SNRNP200: variants seen among roughly 807,000 people sequenced by gnomAD.
The protein encoded by SNRNP200 is small nuclear ribonucleoprotein U5 subunit 200, also known as U5 small nuclear ribonucleoprotein 200 kDa helicase.
SNRNP200 carries 66 observed loss-of-function variants against 255.2 expected under a neutral mutation model. The observed-to-expected ratio is 0.26, with a 90% CI of 0.21 to 0.32. SNRNP200 has a LOEUF of 0.32. Ranked by LOEUF, SNRNP200 falls within the 10% of genes least tolerant of loss-of-function variation. The probability of loss-of-function intolerance (pLI) is 1.00; values close to 1 mark genes in which losing one functional copy is unlikely to be tolerated. For missense variants in SNRNP200, 1,585 were observed against 2,749.8 expected (o/e 0.58, Z 9.47); for synonymous variants, 939 against 1,027.8 (o/e 0.91, Z 1.65).
chr2:96,301,699 A>G lies in SNRNP200; in HGVS notation c.399T>C (p.Cys133=). The change falls in exon 4 of 45, where the codon TGT becomes TGC. Residue 133 remains cysteine (C), a synonymous_variant. Transcript: ENST00000323853. Reference sequence around the variant, plus strand: ...CAGCTAGAACTTCATCAGCTGCCCCACAAAGGATATCACGTGGCTGGTGGC... The same window carrying G: ...CAGCTAGAACTTCATCAGCTGCCCCGCAAAGGATATCACGTGGCTGGTGGC... ...ALGDQPRDIL[C]GAADEVLAVL... is the part of the protein sequence containing the mutation. The G allele has an allele frequency of 6.2e-7, 1 of 1,614,124 alleles. No homozygotes were observed. The highest frequency in any genetic ancestry group is 8.5e-7 in the Non-Finnish European group (1 of 1,180,028).
In SNRNP200 at chr2:96,290,795, A is replaced by T; in HGVS notation, c.2442T>A (p.Thr814=). 1 of 1,614,176 alleles carries T rather than the reference A, an allele frequency of 6.2e-7. No individual in the cohort carries two copies. Among genetic ancestry groups the T allele is most frequent in the South Asian group, 1.1e-5 (1 of 91,078 alleles). The change falls in exon 19 of 45, where the codon ACT becomes ACA. Residue 814 remains threonine (T), a synonymous_variant. Coordinates refer to ENST00000323853, the MANE Select transcript of SNRNP200 (RefSeq NM_014014.5). This position sits in a 1 kb window ranked among gnomAD's most constrained non-coding sequence, Gnocchi z 4.5. ...CAGGGAGATTCACACCCCAAGCTAG[A>T]GTTGCTGTGGAAACTAAAACCTACA... ...KHIQVLVSTA[T]LAWGVNLPAH...
intron 14 of SNRNP200, among the ~76,000 whole-genome samples, chr2:96,294,433 C>T (rs1048578900): frequency 6.6e-6 from 1 of 151,240 alleles, no homozygotes; most frequent in African/African-American, 2.4e-5. Context: ...AGTGAAACTC[C>T]GTCTAAAAAA....
intron 34 of SNRNP200, chr2:96,282,176 C>A (rs900992977): frequency 4.3e-6 from 2 of 467,314 alleles, no homozygotes; most frequent in African/African-American, 4.0e-5. Flanking sequence ...CCCAGGAACA[C>A]CAAGGCAAAA....
chr2:96,294,155 C>T (rs748172353), intron 14 of SNRNP200, among the ~76,000 whole-genome samples: 119 of 147,322 alleles, frequency 8.1e-4, no homozygotes, highest in Non-Finnish European at 1.6e-3. Flanking sequence ...AAAAAAAAGC[C>T]GGGGGCAGTG....
chr2:96,293,347 G>A lies in SNRNP200; in HGVS notation c.2005C>T (p.Pro669Ser), dbSNP rs749791210. ...EDVATFLRVDPAKGLFYFDNS... is the reference protein window; with the variant it reads ...EDVATFLRVDSAKGLFYFDNS... The stretch of plus-strand genomic sequence containing the variant: ...TCAAAGTAAAAGAGACCCTTGGCAG[G>A]GTCAACACGTAGAAAGGTGGCTACA... The change falls in exon 15 of 45, where the codon CCT becomes TCT. Residue 669 changes from proline to serine, a missense_variant. By Grantham distance (74) the Pro-to-Ser change is moderately conservative. This residue lies in a region of SNRNP200 where 140 missense variants were observed against 274.9 expected (regional missense o/e 0.51). Coordinates refer to ENST00000323853, the MANE Select transcript of SNRNP200 (RefSeq NM_014014.5). 84 of 1,614,056 alleles carry A rather than the reference G, an allele frequency of 5.2e-5. 1 individual carries two copies. Among genetic ancestry groups the A allele is most frequent in the Non-Finnish European group, 6.8e-5 (80 of 1,180,034 alleles).
chr2:96,279,687 G>T (rs1684727247), intron 35 of SNRNP200, 128 bp from the exon 36 acceptor site: 1 of 689,960 alleles, frequency 1.4e-6, no homozygotes, highest in Non-Finnish European at 2.6e-6. Context: ...ATCACGGGAC[G>T]ACTCTGTTTA....
In SNRNP200 at chr2:96,295,616, C is replaced by A; in HGVS notation, c.1714G>T (p.Asp572Tyr). Residue 572 changes from aspartate (D) to tyrosine (Y), a missense_variant, in exon 14 of 45, where the codon GAC (aspartate) becomes TAC (tyrosine). This residue lies in a region of SNRNP200 where 56 missense variants were observed against 77.4 expected (regional missense o/e 0.72). Coordinates refer to ENST00000323853, the MANE Select transcript of SNRNP200 (RefSeq NM_014014.5). ...ATCTCTTCTTTGCACAGCTGGTGGTCCCCAGTCAGTTCAGCAACAGTGATG... is the reference window on the plus strand; with the variant it reads ...ATCTCTTCTTTGCACAGCTGGTGGTACCCAGTCAGTTCAGCAACAGTGATG... ...YGITVAELTGDHQLCKEEISA... is the reference protein window; with the variant it reads ...YGITVAELTGYHQLCKEEISA... The A allele has an allele frequency of 6.2e-7, 1 of 1,613,848 alleles. No individual in the cohort carries two copies. Among genetic ancestry groups the A allele is most frequent in the South Asian group, 1.1e-5 (1 of 91,060 alleles).
rs2063877362 is a variant in SNRNP200, at chr2:96,290,473, A to G, written c.2595T>C (p.Gly865=). 6.2e-7 allele frequency: 1 copy of G among 1,614,150 alleles called. No individual in the cohort carries two copies. Among genetic ancestry groups the G allele is most frequent in the African/African-American group, 1.3e-5 (1 of 75,038 alleles). Residue 865 remains glycine, a synonymous_variant, in exon 20 of 45, where the codon GGT becomes GGC. Transcript: ENST00000323853. This position sits in a 1 kb window ranked among gnomAD's most constrained non-coding sequence, Gnocchi z 4.5. ...RAGRPQYDTK[G]EGILITSHGE... Reference sequence around the variant, plus strand: ...CATGAGATGTGATGAGTATGCCTTCACCCTTGGTGTCATACTGGGGTCTTC... The same window carrying G: ...CATGAGATGTGATGAGTATGCCTTCGCCCTTGGTGTCATACTGGGGTCTTC...
rs907655635 is a variant in SNRNP200 at position 96,304,905 on chromosome 2, A to G, written c.46-37T>C. 3 of 1,602,356 alleles carry G rather than the reference A, an allele frequency of 1.9e-6. No individual in the cohort carries two copies. In the African/African-American group the frequency reaches 4.0e-5, roughly 21 times the overall value. ...AAAACATTATTGAAGCTTTGACATGAGCAGGGCCAATTCCTACTATCATAG... is the reference window on the plus strand; with the variant it reads ...AAAACATTATTGAAGCTTTGACATGGGCAGGGCCAATTCCTACTATCATAG... On this transcript the variant is annotated intron_variant, in intron 1 of 44. Transcript: ENST00000323853.
rs749222170 is a variant in SNRNP200, at chr2:96,298,715, G to A, written c.883-13C>T. The A allele has an allele frequency of 6.2e-7, 1 of 1,614,066 alleles. No individual in the cohort carries two copies. Among genetic ancestry groups the A allele is most frequent in the South Asian group, 1.1e-5 (1 of 91,076 alleles). The stretch of plus-strand genomic sequence containing the variant: ...CATCACTGGCCGTCTGCAGAGAGCA[G>A]GTAACACCACCATTAAGGCCAAAGC... On this transcript the variant is annotated splice_polypyrimidine_tract_variant and intron_variant, in intron 7 of 44. Transcript: ENST00000323853.
Position 96,277,266 on chromosome 2 carries a change from G to C in SNRNP200, c.5932-25C>G. Reference sequence around the variant, plus strand: ...CCTGCAGTGAGTATTCAGACGTCAGGAAAGAGAGAACACGGGCCAACAGCA... The same window carrying C: ...CCTGCAGTGAGTATTCAGACGTCAGCAAAGAGAGAACACGGGCCAACAGCA... On this transcript the variant is annotated intron_variant, in intron 41 of 44. Transcript: ENST00000323853. This position sits in a 1 kb window ranked among gnomAD's most constrained non-coding sequence, Gnocchi z 4.4. 1 of 1,613,496 alleles carries C rather than the reference G, an allele frequency of 6.2e-7. No individual in the cohort carries two copies.
In SNRNP200 at chr2:96,289,919, A is replaced by G. The variant is rs2063873938; in HGVS notation, c.2820T>C (p.His940=). Residue 940 remains histidine, a synonymous_variant, in exon 21 of 45, where the codon CAT becomes CAC. Coordinates refer to ENST00000323853, the MANE Select transcript of SNRNP200 (RefSeq NM_014014.5). ...LRSPTLYGIS[H]DDLKGDPLLD... is the part of the protein sequence containing the mutation. ...GCAGGGGATCTCCCTTGAGGTCATC[A>G]TGAGAGATGCCATAGAGGGTTGGGG... 6.2e-7 allele frequency: 1 copy of G among 1,614,156 alleles called. No individual in the cohort carries two copies. The highest frequency in any genetic ancestry group is 8.5e-7 in the Non-Finnish European group (1 of 1,180,010).
chr2:96,284,934 G>C (rs996216568), intron 30 of SNRNP200: 5 of 561,674 alleles, frequency 8.9e-6, no homozygotes, highest in Non-Finnish European at 1.6e-5. Context: ...ATTTTTAGTA[G>C]AGACAGGGTT....
intron 30 of SNRNP200, 164 bp from the exon 31 acceptor site, chr2:96,284,749 CT>C (rs71791481): frequency 0.045 from 23,705 of 522,212 alleles, 380 homozygotes; most frequent in East Asian, 0.22. Context: ...GCAGCTTTTT[CT>C]TTTTTTTTTT....
rs1398475659 is a variant in SNRNP200 at position 96,297,554 on chromosome 2, A to G, written c.1204-18T>C. 5 of 1,614,086 alleles carry G rather than the reference A, an allele frequency of 3.1e-6. No individual in the cohort carries two copies. In the East Asian group the frequency reaches 8.9e-5, roughly 29 times the overall value. ...GCCAGTGCCTGGGAATGTGAAAGAC[A>G]AAAACACAAAGGAAGTAAGCAAGCC... On this transcript the variant is annotated intron_variant, in intron 10 of 44. Transcript: ENST00000323853.
In SNRNP200 at chr2:96,277,312, G is replaced by A; in HGVS notation, c.5932-71C>T. On this transcript the variant is annotated intron_variant, in intron 41 of 44. Transcript: ENST00000323853. This position sits in a 1 kb window ranked among gnomAD's most constrained non-coding sequence, Gnocchi z 4.4. ...CAGCAAATGACACAGGCAGCAAAGA[G>A]CTACTAATTTTACCTCCTACACTAT... is the stretch of plus-strand genomic sequence containing the variant. 1 of 1,544,408 alleles carries A rather than the reference G, an allele frequency of 6.5e-7. No homozygotes were observed. Among genetic ancestry groups the A allele is most frequent in the Non-Finnish European group, 8.9e-7 (1 of 1,117,500 alleles).
intron 36 of SNRNP200, 95 bp from the exon 37 acceptor site, chr2:96,279,093 G>A (rs1271906632): frequency 3.0e-6 from 3 of 996,010 alleles, no homozygotes; most frequent in African/African-American, 1.6e-5. Context: ...GTCCCTGTGT[G>A]AGACCTAACT....
chr2:96,285,974 T>C (rs1382875150), intron 29 of SNRNP200, among the ~76,000 whole-genome samples: 1 of 152,194 alleles, frequency 6.6e-6, no homozygotes, highest in African/African-American at 2.4e-5. Flanking sequence ...AATGTCCCCG[T>C]TATTTATCAT....
chr2:96,276,054 C>T (rs530760677), intron 43 of SNRNP200, among the ~76,000 whole-genome samples: 2 of 152,366 alleles, frequency 1.3e-5, no homozygotes, highest in South Asian at 4.1e-4. Context: ...ACAGAGATAT[C>T]CACAGCAGGC....
Sources: gnomAD v4.1 joint callset for allele counts (sites outside exome capture counted in the v4.1 genomes callset) on GRCh38, gnomAD v4.1.1 for gene constraint, gnomAD v4.1.1 regional missense constraint, Gnocchi (gnomAD v3.1) non-coding constraint, MANE v1.5 for transcripts, NCBI Gene and HGNC (gene_info 2026-07-23, HGNC 2026-07-21) for gene names.